GAB2: variants seen among roughly 807,000 people sequenced by gnomAD.
GAB2 encodes the protein GRB2 associated binding protein 2.
In GAB2, 26 loss-of-function variants were observed where a neutral mutation model predicts 65.5. The ratio of observed to expected loss-of-function variants is 0.40; its 90% CI spans 0.29 to 0.55. The LOEUF (loss-of-function observed/expected upper bound fraction) is 0.55. GAB2 is among the 20% of genes least tolerant of loss of function. The pLI, the probability that GAB2 is intolerant of heterozygous loss-of-function variation, is 0.53. For synonymous variants in GAB2, 321 were observed against 329.6 expected (o/e 0.97, Z 0.28); for missense variants, 884 against 875.8 (o/e 1.01, Z -0.12).
intron 1 of GAB2, among the ~76,000 whole-genome samples, chr11:78,377,905 T>C (rs1043911656): frequency 2.6e-5 from 4 of 152,202 alleles, no homozygotes; most frequent in Non-Finnish European, 5.9e-5. Flanking sequence ...GATACTTGTT[T>C]TACTATCCAG....
chr11:78,302,006 G>A (rs1189972442), intron 1 of GAB2, among the ~76,000 whole-genome samples: 1 of 152,118 alleles, frequency 6.6e-6, no homozygotes, highest in Non-Finnish European at 1.5e-5. Context: ...AATGAAACTG[G>A]ATCCTCGTCT....
At chr11:78,228,371 T>C (rs1216654412) in intron 3 of GAB2, among the ~76,000 whole-genome samples, 1 of 152,224 alleles carries the variant, frequency 6.6e-6, no homozygotes, top group Non-Finnish European at 1.5e-5. Context: ...ATTCTAAGCC[T>C]TTTGGAGGCT....
intron 1 of GAB2, among the ~76,000 whole-genome samples, chr11:78,372,318 TG>T (rs1177721233): frequency 6.6e-6 from 1 of 152,174 alleles, no homozygotes; most frequent in Non-Finnish European, 1.5e-5. Context: ...CCATGACCTC[TG>T]GAACAGATGT....
intron 1 of GAB2, among the ~76,000 whole-genome samples, chr11:78,401,061 CTT>C (rs1447402234): frequency 1.3e-5 from 2 of 151,732 alleles, no homozygotes; most frequent in African/African-American, 4.8e-5. Flanking sequence ...TGTCTTTTCT[CTT>C]GGGTTAGAAA....
intron 1 of GAB2, among the ~76,000 whole-genome samples, chr11:78,365,277 G>A (rs1010953677): frequency 6.6e-6 from 1 of 152,190 alleles, no homozygotes; most frequent in African/African-American, 2.4e-5. Flanking sequence ...CTGATTGCCA[G>A]TCCATTTCAG....
intron 1 of GAB2, among the ~76,000 whole-genome samples, chr11:78,292,182 C>T (rs1426610884): frequency 6.6e-6 from 1 of 152,178 alleles, no homozygotes; most frequent in Non-Finnish European, 1.5e-5. Flanking sequence ...TTCAGATTAA[C>T]CATAAACCTC....
chr11:78,417,577 A>T, intron 1 of GAB2, 69 bp downstream of exon 1: 1 of 616,110 alleles, frequency 1.6e-6, no homozygotes, highest in Non-Finnish European at 2.1e-6. Flanking sequence ...CCCCTCCGGG[A>T]GTCCCCCGCC....
At chr11:78,263,717 T>C (rs1005565191) in intron 2 of GAB2, among the ~76,000 whole-genome samples, 3 of 151,986 alleles carry the variant, frequency 2.0e-5, no homozygotes, top group African/African-American at 7.3e-5. Flanking sequence ...TTCTTTCTGA[T>C]TCTTAACCAT....
At chr11:78,357,934 C>A (rs773453269) in intron 1 of GAB2, among the ~76,000 whole-genome samples, 2 of 152,176 alleles carry the variant, frequency 1.3e-5, no homozygotes, top group African/African-American at 4.8e-5. Flanking sequence ...ATCCAGCCAT[C>A]CCATTACTGG....
intron 1 of GAB2, among the ~76,000 whole-genome samples, chr11:78,331,937 A>C (rs10899473): frequency 0.23 from 34,277 of 151,930 alleles, 4,224 homozygotes; most frequent in East Asian, 0.41. Context: ...GGGGAAAAAA[A>C]ACACACATGC....
intron 1 of GAB2, among the ~76,000 whole-genome samples, chr11:78,409,148 A>C (rs780155504): frequency 3.3e-5 from 5 of 152,214 alleles, no homozygotes; most frequent in Non-Finnish European, 7.3e-5. Flanking sequence ...ATAATATATC[A>C]AGTAGCCCTC....
chr11:78,306,026 C>T (rs1024363965), intron 1 of GAB2, among the ~76,000 whole-genome samples: 2 of 152,188 alleles, frequency 1.3e-5, no homozygotes, highest in Non-Finnish European at 2.9e-5. Flanking sequence ...AGCAGTTTAA[C>T]GTCTAGAATG....
At chr11:78,408,432 T>C (rs1857083180) in intron 1 of GAB2, among the ~76,000 whole-genome samples, 2 of 151,814 alleles carry the variant, frequency 1.3e-5, no homozygotes, top group African/African-American at 4.8e-5. Flanking sequence ...TAAATCAAAA[T>C]GGAATTCTAA....
At chr11:78,235,179 G>C (rs1864950225) in intron 3 of GAB2, among the ~76,000 whole-genome samples, 1 of 151,932 alleles carries the variant, frequency 6.6e-6, no homozygotes, top group South Asian at 2.1e-4. Context: ...TTGAGACAGA[G>C]TCTCACTCTG....
chr11:78,318,632 G>A (rs1855663452), intron 1 of GAB2, among the ~76,000 whole-genome samples: 1 of 152,090 alleles, frequency 6.6e-6, no homozygotes, highest in South Asian at 2.1e-4. Context: ...ACAGATAAAG[G>A]CAGGAATGGT....
chr11:78,351,729 A>G (rs1305145683), intron 1 of GAB2, among the ~76,000 whole-genome samples: 1 of 152,162 alleles, frequency 6.6e-6, no homozygotes, highest in East Asian at 1.9e-4. Context: ...AGGTAAGTAG[A>G]TAGGGAACTG....
At chr11:78,405,091 ATTTTTTTTT>A (rs1174366754) in intron 1 of GAB2, among the ~76,000 whole-genome samples, 4 of 93,280 alleles carry the variant, frequency 4.3e-5, no homozygotes, top group Non-Finnish European at 5.8e-5. Flanking sequence ...AAAAACATGG[ATTTTTTTTT>A]TTTTTTTTTT....
At chr11:78,267,310 C>A (rs968802692) in intron 2 of GAB2, among the ~76,000 whole-genome samples, 7 of 152,132 alleles carry the variant, frequency 4.6e-5, no homozygotes, top group Non-Finnish European at 7.4e-5. Context: ...TTCAGAGGCC[C>A]CTGGCCATGA....
chr11:78,348,582 T>A (rs1223617512), intron 1 of GAB2, among the ~76,000 whole-genome samples: 2 of 152,180 alleles, frequency 1.3e-5, no homozygotes, highest in African/African-American at 2.4e-5. Flanking sequence ...AAAAGGCTGA[T>A]CACACTAAGT....
Sources: allele counts gnomAD v4.1 joint callset (sites outside exome capture counted in the v4.1 genomes callset), GRCh38; gene constraint gnomAD v4.1.1; transcripts MANE v1.5; gene names NCBI Gene and HGNC (gene_info 2026-07-23, HGNC 2026-07-21).